The following INPP4A variants were observed in gnomAD, a reference collection of about 807,000 sequenced individuals.
INPP4A encodes the protein inositol polyphosphate-4-phosphatase type I A, also known as inositol polyphosphate-4-phosphatase, type I, 107kD.
INPP4A carries 33 observed loss-of-function variants against 119.8 expected under a neutral mutation model. That is an observed-to-expected ratio of 0.28 (90% CI 0.21 to 0.37). INPP4A has a LOEUF of 0.37. Among genes scored for constraint, INPP4A ranks in the 10% least tolerant of loss-of-function variants. INPP4A has a pLI of 1.00. For synonymous variants in INPP4A, 496 were observed against 500.7 expected (o/e 0.99, Z 0.12); for missense variants, 956 against 1,289.9 (o/e 0.74, Z 3.97).
chr2:98,488,414 T>A (rs1426017030), intron 1 of INPP4A, among the ~76,000 whole-genome samples: 3 of 152,210 alleles, frequency 2.0e-5, no homozygotes, highest in Non-Finnish European at 4.4e-5. Flanking sequence ...TTCTCTCCAT[T>A]TGCCAGTTCT....
chr2:98,472,476 C>G (rs537848898), intron 1 of INPP4A, among the ~76,000 whole-genome samples: 1 of 152,356 alleles, frequency 6.6e-6, no homozygotes, highest in African/African-American at 2.4e-5. Flanking sequence ...CAGATGAGCT[C>G]TGTGGCAAGT....
intron 10 of INPP4A, among the ~76,000 whole-genome samples, chr2:98,542,423 A>T (rs1574999323): frequency 6.9e-6 from 1 of 144,060 alleles, no homozygotes; most frequent in African/African-American, 2.8e-5. Flanking sequence ...AGTGCAGTAT[A>T]AAAAAAAAAT....
At chr2:98,452,762 G>A (rs1695453184) in intron 1 of INPP4A, among the ~76,000 whole-genome samples, 2 of 152,190 alleles carry the variant, frequency 1.3e-5, no homozygotes, top group South Asian at 4.1e-4. Context: ...GCTAAAGGAA[G>A]CAACCTCAGT....
intron 11 of INPP4A, among the ~76,000 whole-genome samples, 169 bp from the exon 12 acceptor site, chr2:98,545,800 C>T (rs1416425086): frequency 6.6e-6 from 1 of 152,210 alleles, no homozygotes; most frequent in African/African-American, 2.4e-5. Context: ...ATCTCACCCA[C>T]CTGCCACCTG....
intron 1 of INPP4A, among the ~76,000 whole-genome samples, chr2:98,504,013 G>A (rs1028715993): frequency 2.0e-5 from 3 of 152,258 alleles, no homozygotes; most frequent in Non-Finnish European, 2.9e-5. Flanking sequence ...ATGGGCCTCA[G>A]AGGCACAGCT....
intron 17 of INPP4A, among the ~76,000 whole-genome samples, 164 bp downstream of exon 17, chr2:98,559,659 G>A (rs1172618237): frequency 6.6e-6 from 1 of 152,228 alleles, no homozygotes; most frequent in African/African-American, 2.4e-5. Context: ...CAGGTTTGAT[G>A]AGGGACCAGT....
intron 1 of INPP4A, among the ~76,000 whole-genome samples, chr2:98,508,123 G>C (rs1414774684): frequency 6.6e-6 from 1 of 152,190 alleles, no homozygotes; most frequent in Non-Finnish European, 1.5e-5. Flanking sequence ...TCCTGAAAGG[G>C]AAGAAGGAGA....
chr2:98,550,135 T>C (rs540610629), intron 13 of INPP4A, among the ~76,000 whole-genome samples: 2 of 152,208 alleles, frequency 1.3e-5, no homozygotes, highest in South Asian at 4.1e-4. Context: ...GGGAACTTTC[T>C]GCGTTCCTGG....
At chr2:98,538,865 T>C (rs774923452) in intron 8 of INPP4A, 26 bp from the exon 9 acceptor site, 5 of 1,401,568 alleles carry the variant, frequency 3.6e-6, no homozygotes, top group Non-Finnish European at 5.0e-6. Flanking sequence ...CACAGTTTTC[T>C]TGTGCATTTC....
In INPP4A at chr2:98,593,464, C is replaced by T. The variant is rs1453945783; in HGVS notation, c.*5856C>T. 6.6e-6 allele frequency: 1 copy of T among 152,384 alleles called. No individual in the cohort carries two copies. Among genetic ancestry groups the T allele is most frequent in the African/African-American group, 2.4e-5 (1 of 41,448 alleles). 9.4% of individuals were successfully genotyped at this position (152,384 alleles called of 1,614,324 possible). A position where few individuals can be genotyped will look rare whatever the true frequency, so the allele number is the denominator to read the frequency against. On this transcript the variant is annotated 3_prime_UTR_variant, in exon 25 of 25. Transcript: ENST00000409851. The stretch of plus-strand genomic sequence containing the variant: ...CCTGCCACTAATGGCGTGGTGTTCT[C>T]CTGGGTTCCCTTTCTCACTTAAGAT...
intron 1 of INPP4A, among the ~76,000 whole-genome samples, chr2:98,447,611 A>G (rs1244101859): frequency 6.6e-6 from 1 of 152,122 alleles, no homozygotes; most frequent in Non-Finnish European, 1.5e-5. Context: ...AATAAGCCAA[A>G]GGTTTCTCAG....
chr2:98,491,290 C>T (rs375675933), intron 1 of INPP4A, among the ~76,000 whole-genome samples: 53 of 152,310 alleles, frequency 3.5e-4, no homozygotes, highest in African/African-American at 1.2e-3. Context: ...CTCCCTGACC[C>T]GAGGGTCTCA....
chr2:98,545,935 G>A (rs1692403503), intron 11 of INPP4A, 34 bp from the exon 12 acceptor site: 1 of 1,466,728 alleles, frequency 6.8e-7, no homozygotes, highest in African/African-American at 1.4e-5. Flanking sequence ...CATGTATGCT[G>A]ATGGCCTTTA....
chr2:98,556,958 A>G (rs1694603514), intron 16 of INPP4A, among the ~76,000 whole-genome samples: 1 of 152,140 alleles, frequency 6.6e-6, no homozygotes, highest in African/African-American at 2.4e-5. Context: ...TTTTTATGTG[A>G]ATCGTGTTCC....
chr2:98,495,803 AC>A (rs1681815127), intron 1 of INPP4A, among the ~76,000 whole-genome samples: 1 of 152,176 alleles, frequency 6.6e-6, no homozygotes, highest in Admixed American at 6.5e-5. Flanking sequence ...GAGCTCTTAT[AC>A]GACCTAAAAT....
chr2:98,582,015 C>T (rs1050984051), intron 24 of INPP4A, among the ~76,000 whole-genome samples: 2 of 152,198 alleles, frequency 1.3e-5, no homozygotes, highest in African/African-American at 4.8e-5. Flanking sequence ...GTCACTGCAT[C>T]GTTTAGCTGG....
intron 1 of INPP4A, among the ~76,000 whole-genome samples, chr2:98,493,430 T>A (rs967745034): frequency 6.7e-5 from 10 of 149,692 alleles, no homozygotes; most frequent in African/African-American, 2.4e-4. Flanking sequence ...ATTTCTATTT[T>A]TTTTTTTTTT....
chr2:98,460,983 G>A (rs1697043238), intron 1 of INPP4A, among the ~76,000 whole-genome samples: 1 of 152,134 alleles, frequency 6.6e-6, no homozygotes, highest in Non-Finnish European at 1.5e-5. Flanking sequence ...TGTCTCAGGG[G>A]CTCTCCCTAC....
rs1695876394 is a variant in INPP4A, at chr2:98,563,550, G to T, written c.1941G>T (p.Met647Ile). ...AMMSDKAKKA[M>I]VFLLMQDSAP... Reference sequence around the variant, plus strand: ...TGAGTGACAAGGCCAAGAAGGCCATGGTATTCCTGCTCATGCAGGACAGCG... The same window carrying T: ...TGAGTGACAAGGCCAAGAAGGCCATTGTATTCCTGCTCATGCAGGACAGCG... Residue 647 changes from methionine (M) to isoleucine (I), a missense_variant, in exon 18 of 25, where the codon ATG (methionine) becomes ATT (isoleucine). Physicochemically the swap from Met to Ile is conservative, Grantham distance 10 (BLOSUM62 1). Transcript: ENST00000409851. 1.2e-6 allele frequency: 2 copies of T among 1,613,844 alleles called. No homozygotes were observed. Among genetic ancestry groups the T allele is most frequent in the Non-Finnish European group, 1.7e-6 (2 of 1,179,896 alleles).
Sources: allele counts gnomAD v4.1 joint callset (sites outside exome capture counted in the v4.1 genomes callset), GRCh38; gene constraint gnomAD v4.1.1; transcripts MANE v1.5; gene names NCBI Gene and HGNC (gene_info 2026-07-23, HGNC 2026-07-21).